ABCC1: variants seen among roughly 807,000 people sequenced by gnomAD.
ABCC1 encodes the protein multidrug resistance-associated protein 1.
Under a neutral mutation model 172.9 loss-of-function variants are expected in ABCC1, and 83 were observed. That is an observed-to-expected ratio of 0.48 (90% CI 0.40 to 0.58). The LOEUF (loss-of-function observed/expected upper bound fraction) is 0.58, where lower values mean the gene tolerates loss of function less well. Among genes scored for constraint, ABCC1 ranks in the 20% least tolerant of loss-of-function variants. The pLI, the probability that ABCC1 is intolerant of heterozygous loss-of-function variation, is 0.00. For synonymous variants in ABCC1, 937 were observed against 825.2 expected (o/e 1.14, Z -2.32); for missense variants, 1,817 against 2,002.7 (o/e 0.91, Z 1.77).
chr16:16,084,295 G>T (rs1195302330), intron 17 of ABCC1, among the ~76,000 whole-genome samples: 1 of 151,824 alleles, frequency 6.6e-6, no homozygotes, highest in Non-Finnish European at 1.5e-5. Flanking sequence ...TCGAGGCAGG[G>T]TTTCACCATG....
At chr16:16,129,539 G>T (rs145547016) in intron 26 of ABCC1, among the ~76,000 whole-genome samples, 49 of 137,386 alleles carry the variant, frequency 3.6e-4, no homozygotes, top group African/African-American at 5.6e-4. Context: ...GTTTTTTTTT[G>T]TTTTTTTTTT....
chr16:16,016,761 C>T, intron 5 of ABCC1, 140 bp downstream of exon 5: 1 of 1,283,986 alleles, frequency 7.8e-7, no homozygotes. Context: ...TATCATCCCA[C>T]CTACTTTACA....
rs562180922 is a variant in ABCC1, at chr16:16,081,093, C to T, written c.2115+1615C>T. ...ATGTTGACCTGGGTAGTCTAGAACT[C>T]CTAACCTCAGGTGATCTCCCCATCT... is the stretch of plus-strand genomic sequence containing the variant. On this transcript the variant is annotated intron_variant, in intron 16 of 30. Coordinates refer to ENST00000399410, the MANE Select transcript of ABCC1 (RefSeq NM_004996.4). 5.9e-5 allele frequency among the ~76,000 whole-genome samples: 9 copies of T among 152,294 alleles called. No homozygotes were observed. In the South Asian group the frequency reaches 1.9e-3, roughly 32 times the overall value.
intron 20 of ABCC1, among the ~76,000 whole-genome samples, chr16:16,104,280 C>G (rs2051954441): frequency 6.6e-6 from 1 of 152,148 alleles, no homozygotes; most frequent in African/African-American, 2.4e-5. Flanking sequence ...CTGGCCCTAC[C>G]CACATCCTGC....
rs1254719855 is a variant in ABCC1, at chr16:16,056,194, G to A, written c.1576G>A (p.Asp526Asn). 5.6e-6 allele frequency: 9 copies of A among 1,614,158 alleles called. No individual in the cohort carries two copies. The highest frequency in any genetic ancestry group is 7.6e-6 in the Non-Finnish European group (9 of 1,180,042). Residue 526 changes from aspartate (D) to asparagine (N), a missense_variant, in exon 12 of 31, where the codon GAC becomes AAC. By Grantham distance (23) the Asp-to-Asn change is conservative. Around this residue, in one of 3 missense-constraint regions of ABCC1, gnomAD observed 1,412 missense variants for 1,600.3 expected, o/e 0.88. Coordinates refer to ENST00000399410, the MANE Select transcript of ABCC1 (RefSeq NM_004996.4). ...KLYAWELAFK[D>N]KVLAIRQEEL... Reference sequence around the variant, plus strand: ...TTATGCCTGGGAGCTGGCATTCAAGGACAAGGTGCTGGCCATCAGGCAGGA... The same window carrying A: ...TTATGCCTGGGAGCTGGCATTCAAGAACAAGGTGCTGGCCATCAGGCAGGA...
At chr16:16,064,654 C>T (rs1029118655) in intron 12 of ABCC1, among the ~76,000 whole-genome samples, 1 of 152,226 alleles carries the variant, frequency 6.6e-6, no homozygotes, top group African/African-American at 2.4e-5. Context: ...TGAAGAGACA[C>T]CTGTGATGTG....
intron 1 of ABCC1, among the ~76,000 whole-genome samples, chr16:15,984,995 T>C (rs2046711857): frequency 6.6e-6 from 1 of 151,910 alleles, no homozygotes; most frequent in Non-Finnish European, 1.5e-5. Flanking sequence ...CCCAGCTGCC[T>C]GGAAGGCTGA....
chr16:16,069,932 G>A (rs957340379), intron 13 of ABCC1, among the ~76,000 whole-genome samples: 1 of 152,132 alleles, frequency 6.6e-6, no homozygotes, highest in Non-Finnish European at 1.5e-5. Flanking sequence ...GCTGAGACAC[G>A]AGAATCGCTT....
chr16:15,982,966 T>G (rs1284101710), intron 1 of ABCC1, among the ~76,000 whole-genome samples: 4 of 152,120 alleles, frequency 2.6e-5, no homozygotes, highest in Admixed American at 6.6e-5. Flanking sequence ...CATGGTGTAT[T>G]AGATACTATA....
chr16:16,037,541 G>A (rs1169684273), intron 7 of ABCC1, among the ~76,000 whole-genome samples: 6 of 152,188 alleles, frequency 3.9e-5, no homozygotes, highest in African/African-American at 1.2e-4. Context: ...GAGCCCGGAC[G>A]AACTGGAACA....
intron 5 of ABCC1, among the ~76,000 whole-genome samples, chr16:16,027,362 G>T (rs2048410780): frequency 6.6e-6 from 1 of 152,164 alleles, no homozygotes; most frequent in Admixed American, 6.5e-5. Flanking sequence ...ATGAATGGGT[G>T]TGACTGTTCC....
In ABCC1 at chr16:15,999,802, TCTCTCTC is replaced by T. The variant is rs1269321446; in HGVS notation, c.49-8006_49-8000del. On this transcript the variant is annotated intron_variant, in intron 1 of 30. Coordinates refer to ENST00000399410, the MANE Select transcript of ABCC1 (RefSeq NM_004996.4). ...CTCTCTCTCTCTCTCTCTCTCTCTC[TCTCTCTC>T]CTCTCTCTCTCTCTCTCTCTCTCTG... 1.3e-4 allele frequency among the ~76,000 whole-genome samples: 4 copies of T among 31,858 alleles called. 1 individual carries two copies. Among genetic ancestry groups the T allele is most frequent in the Non-Finnish European group, 2.8e-4 (3 of 10,778 alleles). 20.9% of individuals were successfully genotyped at this position (31,858 alleles called of 152,430 possible).
At chr16:16,113,697 A>C (rs892254575) in intron 22 of ABCC1, among the ~76,000 whole-genome samples, 1 of 152,156 alleles carries the variant, frequency 6.6e-6, no homozygotes, top group Admixed American at 6.5e-5. Flanking sequence ...CGATTAGACT[A>C]GACACGTTTC....
At chr16:16,110,976 C>G (rs1240015181) in intron 21 of ABCC1, among the ~76,000 whole-genome samples, 3 of 152,154 alleles carry the variant, frequency 2.0e-5, no homozygotes, top group Admixed American at 6.5e-5. Flanking sequence ...TCTTGGCTCA[C>G]TGCTTCTACC....
chr16:15,999,816 C>G lies in ABCC1; in HGVS notation c.49-8000C>G, dbSNP rs1269469415. Among the ~76,000 whole-genome samples, 225 of 27,474 alleles carry G rather than the reference C, an allele frequency of 8.2e-3. 1 individual carries two copies. Among genetic ancestry groups the G allele is most frequent in the African/African-American group, 0.028 (222 of 8,054 alleles). The allele number at this position is 27,474 out of a possible 152,430, so 18.0% of individuals were successfully genotyped here. On this transcript the variant is annotated intron_variant, in intron 1 of 30. Coordinates refer to ENST00000399410, the MANE Select transcript of ABCC1 (RefSeq NM_004996.4). The stretch of plus-strand genomic sequence containing the variant: ...CTCTCTCTCTCTCTCTCTCCTCTCT[C>G]TCTCTCTCTCTCTCTCTGTCTCTTT...
chr16:16,086,844 C>T lies in ABCC1; in HGVS notation c.2313C>T (p.Gly771=). Residue 771 remains glycine, a synonymous_variant, in exon 18 of 31, where the codon GGC becomes GGT. Coordinates refer to ENST00000399410, the MANE Select transcript of ABCC1 (RefSeq NM_004996.4). Reference sequence around the variant, plus strand: ...CCCAGGGCGTGAACCTGTCTGGGGGCCAGAAGCAGCGCGTGAGCCTGGCCC... The same window carrying T: ...CCCAGGGCGTGAACCTGTCTGGGGGTCAGAAGCAGCGCGTGAGCCTGGCCC... The part of the protein sequence containing the change: ...IGEKGVNLSG[G]QKQRVSLARA... 1 of 1,613,980 alleles carries T rather than the reference C, an allele frequency of 6.2e-7. No homozygotes were observed. The highest frequency in any genetic ancestry group is 1.7e-4 in the Middle Eastern group (1 of 5,930).
intron 26 of ABCC1, among the ~76,000 whole-genome samples, chr16:16,129,576 C>T (rs1373839768): frequency 9.5e-5 from 14 of 146,916 alleles, no homozygotes; most frequent in Admixed American, 2.7e-4. Flanking sequence ...CTTGCTGTGT[C>T]ACCCAGACTG....
At chr16:16,140,087 A>G (rs1012846469) in intron 30 of ABCC1, among the ~76,000 whole-genome samples, 3 of 152,228 alleles carry the variant, frequency 2.0e-5, no homozygotes, top group Non-Finnish European at 4.4e-5. Context: ...CCAACCTTGG[A>G]TCTAAAGGAA....
intron 5 of ABCC1, among the ~76,000 whole-genome samples, chr16:16,024,475 G>A (rs1012102347): frequency 2.7e-4 from 41 of 152,170 alleles, no homozygotes; most frequent in African/African-American, 7.9e-4. Flanking sequence ...CCTCAGCCTC[G>A]CAAGTAGCTG....
Sources: allele counts gnomAD v4.1 joint callset (sites outside exome capture counted in the v4.1 genomes callset), GRCh38; gene constraint gnomAD v4.1.1; regional missense constraint gnomAD v4.1.1; transcripts MANE v1.5; gene names NCBI Gene and HGNC (gene_info 2026-07-23, HGNC 2026-07-21).